SLC14A1: variants seen among roughly 807,000 people sequenced by gnomAD.
SLC14A1 encodes urea transporter 1.
SLC14A1 carries 36 observed loss-of-function variants against 39.6 expected under a neutral mutation model. The ratio of observed to expected loss-of-function variants is 0.91; its 90% CI spans 0.70 to 1.20. SLC14A1 has a LOEUF of 1.20. Among genes scored for constraint, SLC14A1 ranks in the 50% most tolerant of loss-of-function variants. The pLI, the probability that SLC14A1 is intolerant of heterozygous loss-of-function variation, is 0.00. For missense variants in SLC14A1, 469 were observed against 478.7 expected, an observed-to-expected ratio of 0.98 and a Z score of 0.19; for synonymous variants, 164 against 173.6, an observed-to-expected ratio of 0.94 and a Z score of 0.43.
intron 4 of SLC14A1, among the ~76,000 whole-genome samples, chr18:45,732,622 C>T (rs2047064591): frequency 7.7e-6 from 1 of 130,700 alleles, no homozygotes; most frequent in Non-Finnish European, 1.8e-5. Flanking sequence ...GCAGCTGTCA[C>T]ACTATCCCTT....
At chr18:45,745,916 T>C (rs370366265) in intron 8 of SLC14A1, among the ~76,000 whole-genome samples, 1 of 152,214 alleles carries the variant, frequency 6.6e-6, no homozygotes, top group Admixed American at 6.5e-5. Flanking sequence ...ACCCTGATAC[T>C]GCCAAACAAA....
intron 9 of SLC14A1, 113 bp from the exon 10 acceptor site, chr18:45,749,665 T>C (rs1359388724): frequency 8.3e-7 from 1 of 1,202,806 alleles, no homozygotes; most frequent in African/African-American, 1.5e-5. Context: ...TCCAGAGCAA[T>C]GCCCCCAGTG....
rs755433097 is a variant in SLC14A1, at chr18:45,750,846, T to A, written c.*895T>A. The A allele has an allele frequency of 1.0e-4, 100 of 985,194 alleles. No individual in the cohort carries two copies. Among genetic ancestry groups the A allele is most frequent in the Non-Finnish European group, 1.2e-4 (97 of 829,824 alleles). 61.0% of individuals were successfully genotyped at this position (985,194 alleles called of 1,614,324 possible). The stretch of plus-strand genomic sequence containing the variant: ...TGTAAATGCCACAAATGCATAGAAT[T>A]GTTACCAACCTCCAAAGGGCTCTTT... On this transcript the variant is annotated 3_prime_UTR_variant, in exon 10 of 10. Coordinates refer to ENST00000321925, the MANE Select transcript of SLC14A1 (RefSeq NM_015865.7).
intron 4 of SLC14A1, among the ~76,000 whole-genome samples, chr18:45,733,247 A>G (rs1386060563): frequency 6.6e-6 from 1 of 152,226 alleles, no homozygotes; most frequent in Non-Finnish European, 1.5e-5. Context: ...CTCAATCTAA[A>G]GAAGGAGAAG....
chr18:45,746,887 A>G (rs965466431), intron 8 of SLC14A1, among the ~76,000 whole-genome samples: 1 of 152,238 alleles, frequency 6.6e-6, no homozygotes, highest in African/African-American at 2.4e-5. Flanking sequence ...TTGTTATACA[A>G]CAAATAAAAT....
rs76015227 is a variant in SLC14A1, at chr18:45,730,173, G to A, written c.-21-127G>A. 9,997 of 1,012,076 alleles carry A rather than the reference G, an allele frequency of 9.9e-3. 67 individuals carry two copies. Among genetic ancestry groups the A allele is most frequent in the Non-Finnish European group, 0.012 (8,782 of 712,600 alleles). The allele number at this position is 1,012,076 out of a possible 1,614,324, so 62.7% of individuals were successfully genotyped here. ...AAGCTCTGTGGTGGTGTTTCAGAAG[G>A]AAAATGGTGCTCTCTTAGTTCTATG... On this transcript the variant is annotated intron_variant, in intron 2 of 9. Coordinates refer to ENST00000321925, the MANE Select transcript of SLC14A1 (RefSeq NM_015865.7).
chr18:45,728,837 T>G (rs529536466), intron 2 of SLC14A1, among the ~76,000 whole-genome samples: 2 of 152,304 alleles, frequency 1.3e-5, no homozygotes, highest in South Asian at 4.1e-4. Flanking sequence ...AGCTGCTTTT[T>G]TGTGTAAAGA....
intron 8 of SLC14A1, among the ~76,000 whole-genome samples, chr18:45,744,766 T>C (rs2047495571): frequency 1.3e-5 from 2 of 152,204 alleles, no homozygotes; most frequent in African/African-American, 4.8e-5. Context: ...TCTCCTTCTG[T>C]GATTTCTAGT....
At position 45,749,974 on chromosome 18, in the gene SLC14A1, T is replaced by C. The variant is rs2047667007; in HGVS notation, c.*23T>C. On this transcript the variant is annotated 3_prime_UTR_variant, in exon 10 of 10. Transcript: ENST00000321925. ...TGAGAACAAGCCCCATTTGCAGCCA[T>C]GGTCACGAGTCATTTCTGCCTGACT... 6.2e-7 allele frequency: 1 copy of C among 1,614,156 alleles called. No individual in the cohort carries two copies.
rs867680717 is a variant in SLC14A1 at position 45,750,103 on chromosome 18, C to T, written c.*152C>T. The T allele has an allele frequency of 6.5e-7, 1 of 1,532,962 alleles. No individual in the cohort carries two copies. The highest frequency in any genetic ancestry group is 2.3e-5 in the East Asian group (1 of 43,320). 95.0% of individuals were successfully genotyped at this position (1,532,962 alleles called of 1,614,324 possible). On this transcript the variant is annotated 3_prime_UTR_variant, in exon 10 of 10. Coordinates refer to ENST00000321925, the MANE Select transcript of SLC14A1 (RefSeq NM_015865.7). ...TGTTCTTATGCTCATTTTGTATTTT[C>T]CTTTCAACTCCAGGAATATCCTTGA...
At chr18:45,730,621 C>T in intron 3 of SLC14A1, 150 bp downstream of exon 3, 1 of 904,530 alleles carries the variant, frequency 1.1e-6, no homozygotes, top group Non-Finnish European at 1.7e-6. Flanking sequence ...TTTTAACCTG[C>T]AAACCTCTCC....
chr18:45,734,335 G>A lies in SLC14A1; in HGVS notation c.403G>A (p.Val135Ile). Reference protein sequence around the residue: ...NATLVGVLMAVFSDKGDYFWW... With the variant: ...NATLVGVLMAIFSDKGDYFWW... ...CACCCTGGTGGGAGTACTCATGGCT[G>A]TCTTTTCGGACAAGGGAGACTATTT... Residue 135 changes from valine to isoleucine, a missense_variant, in exon 5 of 10, where the codon GTC (valine) becomes ATC (isoleucine). Coordinates refer to ENST00000321925, the MANE Select transcript of SLC14A1 (RefSeq NM_015865.7). 5 of 1,613,960 alleles carry A rather than the reference G, an allele frequency of 3.1e-6. No individual in the cohort carries two copies. Among genetic ancestry groups the A allele is most frequent in the Admixed American group, 3.3e-5 (2 of 60,010 alleles).
chr18:45,741,437 G>T (rs1272001246), intron 8 of SLC14A1, among the ~76,000 whole-genome samples: 2 of 152,164 alleles, frequency 1.3e-5, no homozygotes, highest in African/African-American at 2.4e-5. Context: ...TCAAGCCAAG[G>T]TATCTAAACA....
In SLC14A1 at chr18:45,750,691, T is replaced by C. The variant is rs1216608766; in HGVS notation, c.*740T>C. ...GATTATTTTTCCTTATGAAAAATGA[T>C]CTGTTTTAAATGAGATAAAATAGGA... On this transcript the variant is annotated 3_prime_UTR_variant, in exon 10 of 10. Coordinates refer to ENST00000321925, the MANE Select transcript of SLC14A1 (RefSeq NM_015865.7). 1.0e-6 allele frequency: 1 copy of C among 985,412 alleles called. No individual in the cohort carries two copies. Among genetic ancestry groups the C allele is most frequent in the Non-Finnish European group, 1.2e-6 (1 of 829,942 alleles). The allele number at this position is 985,412 out of a possible 1,614,324, so 61.0% of individuals were successfully genotyped here.
At chr18:45,744,152 A>G (rs2144836540) in intron 8 of SLC14A1, among the ~76,000 whole-genome samples, 1 of 152,282 alleles carries the variant, frequency 6.6e-6, no homozygotes, top group African/African-American at 2.4e-5. Flanking sequence ...AGCTGGGATT[A>G]CAGACATGCA....
chr18:45,724,723 T>G (rs889299406), intron 1 of SLC14A1, among the ~76,000 whole-genome samples: 1 of 152,162 alleles, frequency 6.6e-6, no homozygotes, highest in African/African-American at 2.4e-5. Context: ...CAGTGATGGA[T>G]TTATGGACTC....
chr18:45,729,368 C>G (rs1238198053), intron 2 of SLC14A1: 1 of 152,182 alleles, frequency 6.6e-6, no homozygotes, highest in Non-Finnish European at 1.5e-5. Context: ...ACAATGAAAT[C>G]ATCATTTTTG....
At chr18:45,742,517 G>A (rs1455469412) in intron 8 of SLC14A1, among the ~76,000 whole-genome samples, 2 of 151,296 alleles carry the variant, frequency 1.3e-5, no homozygotes, top group African/African-American at 2.4e-5. Flanking sequence ...GCACCATCAC[G>A]CCTAGCTAAT....
At chr18:45,730,500 CA>C (rs767109419) in intron 3 of SLC14A1, 29 bp downstream of exon 3, 1 of 1,612,680 alleles carries the variant, frequency 6.2e-7, no homozygotes, top group Admixed American at 1.7e-5. Flanking sequence ...TTTGGAGAGA[CA>C]GGAGAAGTAG....
Sources: allele counts gnomAD v4.1 joint callset (sites outside exome capture counted in the v4.1 genomes callset), GRCh38; gene constraint gnomAD v4.1.1; transcripts MANE v1.5; gene names NCBI Gene and HGNC (gene_info 2026-07-23, HGNC 2026-07-21).